EPHB1: variants seen among roughly 807,000 people sequenced by gnomAD.
The protein encoded by EPHB1 is ephrin type-B receptor 1.
A neutral mutation model predicts 94.4 loss-of-function variants in EPHB1; 30 were observed. The observed-to-expected ratio is 0.32, with a 90% confidence interval of 0.24 to 0.43. The LOEUF (loss-of-function observed/expected upper bound fraction) is 0.43, where lower values mean the gene tolerates loss of function less well. Ranked by LOEUF, EPHB1 falls within the 20% of genes least tolerant of loss-of-function variation. EPHB1 has a pLI of 1.00. For synonymous variants in EPHB1, 522 were observed against 489.1 expected (o/e 1.07, Z -0.89); for missense variants, 1,055 against 1,308.3 (o/e 0.81, Z 2.99).
At chr3:135,090,535 C>T (rs2030737) in intron 3 of EPHB1, among the ~76,000 whole-genome samples, 67,262 of 152,136 alleles carry the variant, frequency 0.44, 15,777 homozygotes, top group Non-Finnish European at 0.53. Flanking sequence ...CAAAGTGCTA[C>T]ATCCACTATC....
chr3:134,915,036 T>A (rs1052649562), intron 1 of EPHB1, among the ~76,000 whole-genome samples: 2 of 152,006 alleles, frequency 1.3e-5, no homozygotes, highest in Non-Finnish European at 2.9e-5. Context: ...AGAATGGGTA[T>A]CTTTGGAGGA....
At chr3:135,150,966 T>C (rs1941173352) in intron 5 of EPHB1, among the ~76,000 whole-genome samples, 1 of 152,248 alleles carries the variant, frequency 6.6e-6, no homozygotes. Context: ...TTCTTCCAGA[T>C]GTTTAGGCCA....
chr3:134,803,528 GA>G (rs933724576), intron 1 of EPHB1, among the ~76,000 whole-genome samples: 2 of 152,142 alleles, frequency 1.3e-5, no homozygotes, highest in African/African-American at 4.8e-5. Context: ...TTAGGGAAGG[GA>G]AAAAACTTTC....
intron 9 of EPHB1, among the ~76,000 whole-genome samples, chr3:135,176,692 C>T (rs938154995): frequency 6.6e-6 from 1 of 152,192 alleles, no homozygotes; most frequent in African/African-American, 2.4e-5. Context: ...AAGAGATAAG[C>T]CCTTTCCCTT....
intron 2 of EPHB1, among the ~76,000 whole-genome samples, chr3:134,948,867 G>T (rs1453823719): frequency 6.6e-6 from 1 of 152,236 alleles, no homozygotes; most frequent in African/African-American, 2.4e-5. Flanking sequence ...AATATGCTAT[G>T]ATATGCTATC....
At chr3:135,185,989 C>G (rs1461476391) in intron 10 of EPHB1, among the ~76,000 whole-genome samples, 1 of 152,156 alleles carries the variant, frequency 6.6e-6, no homozygotes, top group Non-Finnish European at 1.5e-5. Context: ...TTTTCTTCTT[C>G]TAAGTGTGAT....
intron 3 of EPHB1, among the ~76,000 whole-genome samples, chr3:134,971,268 G>T (rs1933961086): frequency 6.6e-6 from 1 of 152,196 alleles, no homozygotes; most frequent in Non-Finnish European, 1.5e-5. Flanking sequence ...GGGTTTAGTG[G>T]ATTCTTGTTC....
At chr3:134,834,788 T>A (rs922674428) in intron 1 of EPHB1, among the ~76,000 whole-genome samples, 12 of 152,220 alleles carry the variant, frequency 7.9e-5, no homozygotes, top group Non-Finnish European at 4.4e-5. Flanking sequence ...CATCAGAATC[T>A]GTGATTAATA....
At position 134,951,471 on chromosome 3, in the gene EPHB1, C is replaced by T; in HGVS notation, c.224C>T (p.Thr75Ile). 1 of 1,613,354 alleles carries T rather than the reference C, an allele frequency of 6.2e-7. No homozygotes were observed. Among genetic ancestry groups the T allele is most frequent in the Non-Finnish European group, 8.5e-7 (1 of 1,179,530 alleles). The change falls in exon 3 of 16, where the codon ACC becomes ATC. Residue 75 changes from threonine to isoleucine, a missense_variant. By Grantham distance (89) the Thr-to-Ile change is moderately conservative. Transcript: ENST00000398015. This position sits in a 1 kb window ranked among gnomAD's most constrained non-coding sequence, Gnocchi z 4.5. The stretch of plus-strand genomic sequence containing the variant: ...AACCAGAACAATTGGCTGCTCACCA[C>T]CTTCATCAACCGGCGGGGGGCCCAT... ...EPNQNNWLLT[T>I]FINRRGAHRI...
chr3:135,039,860 C>T (rs1936779341), intron 3 of EPHB1, among the ~76,000 whole-genome samples: 1 of 152,224 alleles, frequency 6.6e-6, no homozygotes, highest in South Asian at 2.1e-4. Context: ...CAGAAAGGGG[C>T]TCCCACAGTG....
At chr3:134,853,180 C>T (rs544542484) in intron 1 of EPHB1, among the ~76,000 whole-genome samples, 7 of 152,286 alleles carry the variant, frequency 4.6e-5, no homozygotes, top group South Asian at 2.1e-4. Flanking sequence ...AAGGGGAAGG[C>T]GAAAGCTTAC....
chr3:135,163,404 G>A (rs1213476247), intron 7 of EPHB1, among the ~76,000 whole-genome samples: 1 of 152,216 alleles, frequency 6.6e-6, no homozygotes, highest in African/African-American at 2.4e-5. Flanking sequence ...TCTGGCCCCT[G>A]TAGGACTGGA....
chr3:134,797,933 T>A (rs2035861402), intron 1 of EPHB1, among the ~76,000 whole-genome samples: 1 of 152,210 alleles, frequency 6.6e-6, no homozygotes, highest in Non-Finnish European at 1.5e-5. Flanking sequence ...TCTCCTAGAA[T>A]GAACACAGGC....
At chr3:135,064,548 C>T (rs1422645883) in intron 3 of EPHB1, among the ~76,000 whole-genome samples, 9 of 150,144 alleles carry the variant, frequency 6.0e-5, no homozygotes, top group Admixed American at 5.3e-4. Context: ...TGTAACATCT[C>T]TTGTTTCATT....
intron 3 of EPHB1, among the ~76,000 whole-genome samples, chr3:134,979,914 TTTG>T (rs905643411): frequency 4.6e-5 from 7 of 152,198 alleles, no homozygotes; most frequent in East Asian, 1.9e-4. Flanking sequence ...ATCAGTTTTT[TTTG>T]TTGTTGTTGT....
intron 2 of EPHB1, among the ~76,000 whole-genome samples, chr3:134,937,339 G>C (rs9837866): frequency 0.2 from 30,816 of 152,208 alleles, 3,381 homozygotes; most frequent in Middle Eastern, 0.31. Flanking sequence ...AGAATGTGGT[G>C]GGGGTGTCCT....
chr3:135,002,080 A>G (rs939541841), intron 3 of EPHB1, among the ~76,000 whole-genome samples: 12 of 152,236 alleles, frequency 7.9e-5, no homozygotes, highest in Non-Finnish European at 1.8e-4. Flanking sequence ...TGAATGGCAT[A>G]CTATCCAGCC....
At chr3:135,128,103 G>A (rs561195373) in intron 4 of EPHB1, among the ~76,000 whole-genome samples, 2 of 152,236 alleles carry the variant, frequency 1.3e-5, no homozygotes, top group African/African-American at 4.8e-5. Flanking sequence ...ATGAGGAAGA[G>A]CATGGAGCTT....
At chr3:134,957,499 A>G (rs1578229955) in intron 3 of EPHB1, among the ~76,000 whole-genome samples, 2 of 152,174 alleles carry the variant, frequency 1.3e-5, no homozygotes, top group Admixed American at 6.5e-5. Context: ...GGAGGAAGGT[A>G]TCCGAGCATC....
Sources: allele counts gnomAD v4.1 joint callset (sites outside exome capture counted in the v4.1 genomes callset), GRCh38; gene constraint gnomAD v4.1.1; non-coding constraint Gnocchi (gnomAD v3.1); transcripts MANE v1.5; gene names NCBI Gene and HGNC (gene_info 2026-07-23, HGNC 2026-07-21).